Variants in SYNE1 observed in about 807,000 individuals in gnomAD.
The protein encoded by SYNE1 is nesprin-1.
A neutral mutation model predicts 1,111.0 loss-of-function variants in SYNE1; 616 were observed. That is an observed-to-expected ratio of 0.55 (90% CI 0.52 to 0.59). The LOEUF (loss-of-function observed/expected upper bound fraction) is 0.59. Among genes scored for constraint, SYNE1 ranks in the 20% least tolerant of loss-of-function variants. The probability of loss-of-function intolerance (pLI) is 0.00; values close to 1 mark genes in which losing one functional copy is unlikely to be tolerated. For missense variants in SYNE1, 10,006 were observed against 10,417.0 expected (o/e 0.96, Z 1.72); for synonymous variants, 3,855 against 3,825.8 (o/e 1.01, Z -0.28).
chr6:152,160,273 C>G (rs1039384131), intron 131 of SYNE1, among the ~76,000 whole-genome samples: 1 of 152,182 alleles, frequency 6.6e-6, no homozygotes, highest in Non-Finnish European at 1.5e-5. Context: ...TCCTCTCTCT[C>G]TCTCTAATTT....
rs549192903 is a variant in SYNE1, at chr6:152,632,083, A to G, written c.-223-3529T>C. On this transcript the variant is annotated intron_variant, in intron 2 of 145. Coordinates refer to ENST00000367255, the MANE Select transcript of SYNE1 (RefSeq NM_182961.4). ...AACGATCCATACTATCCTAGGTACAATTTGGCTTCTATCTTTCACTACTGC... is the reference window on the plus strand; with the variant it reads ...AACGATCCATACTATCCTAGGTACAGTTTGGCTTCTATCTTTCACTACTGC... 2.6e-4 allele frequency among the ~76,000 whole-genome samples: 39 copies of G among 152,258 alleles called. No individual in the cohort carries two copies. In the East Asian group the frequency reaches 7.2e-3, roughly 28 times the overall value.
At chr6:152,135,891 T>C (rs531813325) in intron 141 of SYNE1, among the ~76,000 whole-genome samples, 81 of 152,290 alleles carry the variant, frequency 5.3e-4, no homozygotes, top group African/African-American at 1.8e-3. Context: ...TCAGTCTTTC[T>C]TCTCACTCCC....
chr6:152,352,209 G>A lies in SYNE1; in HGVS notation c.11398C>T (p.Leu3800=). Residue 3800 remains leucine (L), a synonymous_variant, in exon 70 of 146, where the codon CTG becomes TTG. Coordinates refer to ENST00000367255, the MANE Select transcript of SYNE1 (RefSeq NM_182961.4). ...IHDHMEQLKE[L]TSTVRKEHMT... ...TGTTCTTTCCGGACAGTGCTGGTCA[G>A]TTCCTTCAACTGCTCCATGTGATCA... 3 of 1,614,170 alleles carry A rather than the reference G, an allele frequency of 1.9e-6. No homozygotes were observed. Among genetic ancestry groups the A allele is most frequent in the Non-Finnish European group, 2.5e-6 (3 of 1,180,034 alleles).
At chr6:152,542,194 C>A (rs1022836440) in intron 3 of SYNE1, among the ~76,000 whole-genome samples, 1 of 152,150 alleles carries the variant, frequency 6.6e-6, no homozygotes, top group African/African-American at 2.4e-5. Flanking sequence ...ATTTGCTTGT[C>A]TACTAGAATG....
intron 6 of SYNE1, among the ~76,000 whole-genome samples, chr6:152,519,977 T>C (rs546664364): frequency 1.4e-4 from 21 of 152,122 alleles, no homozygotes; most frequent in South Asian, 6.2e-4. Context: ...TCATACAAAC[T>C]GAAATTGAGA....
At chr6:152,395,473 A>G (rs759817930) in intron 51 of SYNE1, 43 bp downstream of exon 51, 1 of 1,592,084 alleles carries the variant, frequency 6.3e-7, no homozygotes, top group Non-Finnish European at 8.6e-7. Flanking sequence ...CTAGTCTAAA[A>G]CATGGTAAGA....
chr6:152,619,940 T>C (rs1275966720), intron 3 of SYNE1, among the ~76,000 whole-genome samples: 1 of 152,206 alleles, frequency 6.6e-6, no homozygotes, highest in East Asian at 1.9e-4. Flanking sequence ...GAATTGCTCC[T>C]AACCAGTGAA....
chr6:152,310,528 C>A lies in SYNE1; in HGVS notation c.16897-10G>T. The A allele has an allele frequency of 1.2e-6, 2 of 1,613,798 alleles. No individual in the cohort carries two copies. The highest frequency in any genetic ancestry group is 2.2e-5 in the South Asian group (2 of 91,012). The stretch of plus-strand genomic sequence containing the variant: ...CAAATTTTTTCATATCCTAGAGAGT[C>A]AATATCAATGTATTGTACTTGAAGT... On this transcript the variant is annotated splice_polypyrimidine_tract_variant and intron_variant, in intron 88 of 145. Coordinates refer to ENST00000367255, the MANE Select transcript of SYNE1 (RefSeq NM_182961.4).
At chr6:152,545,824 A>T (rs1432312499) in intron 3 of SYNE1, 1 of 152,216 alleles carries the variant, frequency 6.6e-6, no homozygotes. Flanking sequence ...TAAGGATTTA[A>T]ATTATCTAAA....
At position 152,164,307 on chromosome 6, in the gene SYNE1, C is replaced by G; in HGVS notation, c.23646G>C (p.Glu7882Asp). 4 of 1,614,112 alleles carry G rather than the reference C, an allele frequency of 2.5e-6. No individual in the cohort carries two copies. Among genetic ancestry groups the G allele is most frequent in the Non-Finnish European group, 3.4e-6 (4 of 1,180,032 alleles). Residue 7882 changes from glutamate (E) to aspartate (D), a missense_variant, in exon 131 of 146, where the codon GAG becomes GAC. Physicochemically the swap from Glu to Asp is conservative, Grantham distance 45. This residue lies in a region of SYNE1 where 2,182 missense variants were observed against 2,287.8 expected (regional missense o/e 0.95). Transcript: ENST00000367255. The stretch of plus-strand genomic sequence containing the variant: ...CAAGCTGCTGCACGGCTACCAGGGT[C>G]TCCTTCAGCTTCTTCACCCTGTGGG... The part of the protein sequence containing the change: ...LIAARVKKLK[E>D]TLVAVQQLDK...
intron 14 of SYNE1, among the ~76,000 whole-genome samples, chr6:152,476,896 G>T (rs539399657): frequency 8.0e-5 from 12 of 150,788 alleles, no homozygotes; most frequent in South Asian, 2.1e-4. Context: ...AGAAAAGAAA[G>T]AAATAAAATG....
At chr6:152,184,635 G>T (rs73780633) in intron 128 of SYNE1, among the ~76,000 whole-genome samples, 2,479 of 71,848 alleles carry the variant, frequency 0.035, 32 homozygotes, top group African/African-American at 0.076. Flanking sequence ...CACATATATA[G>T]ATAGATAGAT....
At chr6:152,378,494 C>T (rs2097335907) in intron 56 of SYNE1, among the ~76,000 whole-genome samples, 1 of 152,190 alleles carries the variant, frequency 6.6e-6, no homozygotes, top group Admixed American at 6.5e-5. Flanking sequence ...TGTGTCTTAG[C>T]TCCTTTCATC....
chr6:152,318,902 C>T lies in SYNE1; in HGVS notation c.16350G>A (p.Ala5450=), dbSNP rs768673070. 1.0e-4 allele frequency: 167 copies of T among 1,614,054 alleles called. No homozygotes were observed. The highest frequency in any genetic ancestry group is 1.3e-4 in the Non-Finnish European group (158 of 1,180,034). The change falls in exon 85 of 146, where the codon GCG becomes GCA. Residue 5450 remains alanine (A), a synonymous_variant. Coordinates refer to ENST00000367255, the MANE Select transcript of SYNE1 (RefSeq NM_182961.4). ...DLTTILTKLK[A]KTDNVVQAKT... is the part of the protein sequence containing the mutation. ...TAGCTTGAACTACATTATCTGTCTTCGCTTTCAGCTTAGTTAGAATAGTTG... is the reference window on the plus strand; with the variant it reads ...TAGCTTGAACTACATTATCTGTCTTTGCTTTCAGCTTAGTTAGAATAGTTG...
chr6:152,628,653 G>T, intron 2 of SYNE1, 99 bp from the exon 3 acceptor site: 1 of 302,772 alleles, frequency 3.3e-6, no homozygotes, highest in South Asian at 5.4e-5. Flanking sequence ...TTGAATGCCT[G>T]GTCCATTATC....
At chr6:152,516,839 C>T (rs570245974) in intron 6 of SYNE1, among the ~76,000 whole-genome samples, 1 of 152,214 alleles carries the variant, frequency 6.6e-6, no homozygotes, top group Non-Finnish European at 1.5e-5. Flanking sequence ...ACCTACCCTT[C>T]CCTCCCAAAG....
intron 131 of SYNE1, among the ~76,000 whole-genome samples, chr6:152,160,131 C>T (rs1031553441): frequency 6.6e-5 from 10 of 151,992 alleles, no homozygotes; most frequent in African/African-American, 2.2e-4. Flanking sequence ...CTCAGCCTCC[C>T]GAGTAGCTGG....
At chr6:152,175,601 C>G (rs938959722) in intron 130 of SYNE1, among the ~76,000 whole-genome samples, 1 of 152,194 alleles carries the variant, frequency 6.6e-6, no homozygotes, top group South Asian at 2.1e-4. Flanking sequence ...AGGCACTGTT[C>G]TTAGTGCTTG....
chr6:152,268,388 T>TAAAA (rs11427099), intron 99 of SYNE1, among the ~76,000 whole-genome samples: 205 of 142,238 alleles, frequency 1.4e-3, no homozygotes, highest in African/African-American at 4.9e-3. Flanking sequence ...ATCTGGGGGT[T>TAAAA]AAAAAAAAAA....
Sources: gnomAD v4.1 joint callset for allele counts (sites outside exome capture counted in the v4.1 genomes callset) on GRCh38, gnomAD v4.1.1 for gene constraint, gnomAD v4.1.1 regional missense constraint, MANE v1.5 for transcripts, NCBI Gene and HGNC (gene_info 2026-07-23, HGNC 2026-07-21) for gene names.